The following INSL6 variants were observed in gnomAD, a reference collection of about 807,000 sequenced individuals.
INSL6 encodes insulin like 6.
INSL6 carries 16 observed loss-of-function variants against 9.4 expected under a neutral mutation model. The observed-to-expected ratio is 1.70, with a 90% confidence interval of 1.15 to 2.59. The LOEUF is 2.59. Among genes scored for constraint, INSL6 ranks in the 30% most tolerant of loss-of-function variants. The pLI, the probability that INSL6 is intolerant of heterozygous loss-of-function variation, is 0.00. For synonymous variants in INSL6, 154 were observed against 96.9 expected (o/e 1.59, Z -3.46); for missense variants, 391 against 257.3 (o/e 1.52, Z -3.56).
the INSL6 span, among the ~76,000 whole-genome samples, chr9:5,088,500 T>C: frequency 6.6e-6 from 1 of 151,808 alleles, no homozygotes; most frequent in Non-Finnish European, 1.5e-5. Context: ...ATGTACTTAA[T>C]GAGTTTTAGG....
At chr9:5,104,042 G>C in the INSL6 span, among the ~76,000 whole-genome samples, 1 of 152,136 alleles carries the variant, frequency 6.6e-6, no homozygotes, top group Non-Finnish European at 1.5e-5. Flanking sequence ...TCAAAAGCTA[G>C]CAGAAGGCAA....
chr9:5,117,469 G>A, the INSL6 span, among the ~76,000 whole-genome samples: 6 of 152,088 alleles, frequency 3.9e-5, no homozygotes, highest in African/African-American at 7.2e-5. Flanking sequence ...CATAATAATG[G>A]ATGTTATTTG....
the INSL6 span, chr9:5,065,146 C>T: frequency 2.9e-6 from 2 of 681,970 alleles, no homozygotes; most frequent in Non-Finnish European, 2.1e-6. Flanking sequence ...AATAATTTGA[C>T]AAGTTTTTTT....
chr9:5,054,921 T>C, the INSL6 span: 1 of 1,399,476 alleles, frequency 7.1e-7, no homozygotes, highest in South Asian at 1.4e-5. The surrounding 1 kb of genome is among the most constrained non-coding windows in gnomAD (Gnocchi z 4.9). Flanking sequence ...CTTTGTTATT[T>C]TAAGTACAAT....
At chr9:5,060,292 A>T in the INSL6 span, among the ~76,000 whole-genome samples, 1 of 152,178 alleles carries the variant, frequency 6.6e-6, no homozygotes, top group Non-Finnish European at 1.5e-5. Context: ...CAATTTCTTA[A>T]GATAACAATG....
chr9:5,096,983 C>T, the INSL6 span: 1 of 151,966 alleles, frequency 6.6e-6, no homozygotes, highest in Non-Finnish European at 1.5e-5. Flanking sequence ...TTACTTCTCC[C>T]CCACTCTTTC....
intron 1 of INSL6, among the ~76,000 whole-genome samples, chr9:5,170,674 C>G (rs568136549): frequency 2.0e-5 from 3 of 151,914 alleles, no homozygotes; most frequent in South Asian, 4.2e-4. Context: ...ACTGACCCCA[C>G]AGAAATACAA....
At chr9:5,029,422 G>A in the INSL6 span, among the ~76,000 whole-genome samples, 2 of 152,100 alleles carry the variant, frequency 1.3e-5, no homozygotes, top group Non-Finnish European at 2.9e-5. Flanking sequence ...TTGAAGTATT[G>A]CAAGAATTAC....
At chr9:5,074,959 G>A in the INSL6 span, among the ~76,000 whole-genome samples, 1 of 152,158 alleles carries the variant, frequency 6.6e-6, no homozygotes, top group African/African-American at 2.4e-5. Context: ...ACTCCTGTGA[G>A]CACATAAATT....
At chr9:5,098,514 C>T in the INSL6 span, 81 of 152,198 alleles carry the variant, frequency 5.3e-4, no homozygotes, top group African/African-American at 1.8e-3. Flanking sequence ...CACAGATGCC[C>T]AAGAAATTGA....
chr9:5,163,195 C>G (rs1824963534), downstream of INSL6, among the ~76,000 whole-genome samples: 1 of 152,172 alleles, frequency 6.6e-6, no homozygotes, highest in Non-Finnish European at 1.5e-5. Context: ...GACTTTAGAA[C>G]TGCATTTCTA....
intron 1 of INSL6, among the ~76,000 whole-genome samples, 172 bp from the exon 2 acceptor site, chr9:5,164,437 T>C (rs1479528350): frequency 1.3e-5 from 2 of 152,238 alleles, no homozygotes; most frequent in East Asian, 3.8e-4. Flanking sequence ...GTAGGTGTAG[T>C]GTTTTCCTAT....
At chr9:5,168,326 T>A (rs1428532452) in intron 1 of INSL6, among the ~76,000 whole-genome samples, 1 of 152,088 alleles carries the variant, frequency 6.6e-6, no homozygotes, top group Non-Finnish European at 1.5e-5. Flanking sequence ...CTAAGAACCA[T>A]AATAAAACAT....
At chr9:5,001,155 T>C in the INSL6 span, among the ~76,000 whole-genome samples, 1 of 152,202 alleles carries the variant, frequency 6.6e-6, no homozygotes, top group Admixed American at 6.5e-5. Context: ...ATAAAAAGTT[T>C]TATTTCTTTC....
chr9:5,040,990 C>G, the INSL6 span: 1 of 628,094 alleles, frequency 1.6e-6, no homozygotes. Context: ...CAAATTGGAG[C>G]TGATCAAGTT....
the INSL6 span, among the ~76,000 whole-genome samples, chr9:5,086,711 C>G: frequency 2.6e-5 from 4 of 152,156 alleles, no homozygotes; most frequent in African/African-American, 9.7e-5. Flanking sequence ...CCTGAAATCT[C>G]CCTGTCTGAC....
At chr9:5,046,156 G>T in the INSL6 span, among the ~76,000 whole-genome samples, 4 of 152,100 alleles carry the variant, frequency 2.6e-5, no homozygotes, top group South Asian at 4.1e-4. Flanking sequence ...TCATATGCTT[G>T]TTGGCCATCT....
the INSL6 span, chr9:5,050,789 A>C: frequency 1.9e-6 from 3 of 1,613,706 alleles, no homozygotes; most frequent in African/African-American, 4.0e-5. Flanking sequence ...AGAATAGCCA[A>C]AGAAAACGAT....
the INSL6 span, among the ~76,000 whole-genome samples, chr9:5,036,119 C>G: frequency 2.0e-5 from 3 of 152,194 alleles, no homozygotes; most frequent in African/African-American, 7.2e-5. Flanking sequence ...CATGAGTGAA[C>G]TCCCATTCAC....
Sources: allele counts gnomAD v4.1 joint callset (sites outside exome capture counted in the v4.1 genomes callset), GRCh38; gene constraint gnomAD v4.1.1; non-coding constraint Gnocchi (gnomAD v3.1); transcripts MANE v1.5; gene names NCBI Gene and HGNC (gene_info 2026-07-23, HGNC 2026-07-21).